Variants in SFMBT2 observed in about 807,000 individuals in gnomAD.
SFMBT2 encodes scm-like with four MBT domains protein 2.
A neutral mutation model predicts 110.1 loss-of-function variants in SFMBT2; 38 were observed. That is an observed-to-expected ratio of 0.35 (90% CI 0.27 to 0.45). The LOEUF is 0.45. Among genes scored for constraint, SFMBT2 ranks in the 20% least tolerant of loss-of-function variants. The pLI is 1.00. For missense variants in SFMBT2, 1,011 were observed against 1,094.9 expected (o/e 0.92, Z 1.08); for synonymous variants, 425 against 425.4 (o/e 1.00, Z 0.01).
In SFMBT2 at chr10:7,160,827, A is replaced by G. The variant is rs1837531537; in HGVS notation, c.*2943T>C. 2 of 152,292 alleles carry G rather than the reference A, an allele frequency of 1.3e-5. No homozygotes were observed. The highest frequency in any genetic ancestry group is 4.8e-5 in the African/African-American group (2 of 41,460). The allele number at this position is 152,292 out of a possible 1,614,324, so 9.4% of individuals were successfully genotyped here. A position where few individuals can be genotyped will look rare whatever the true frequency, so the allele number is the denominator to read the frequency against. On this transcript the variant is annotated 3_prime_UTR_variant, in exon 21 of 21. Transcript: ENST00000397167. ...CAGAACTGCTGCTGATGTGAAGTCC[A>G]TCCACCACGACGGAAATCCCCGGAG... is the stretch of plus-strand genomic sequence containing the variant.
At chr10:7,333,716 C>T (rs1419751094) in intron 4 of SFMBT2, among the ~76,000 whole-genome samples, 6 of 151,672 alleles carry the variant, frequency 4.0e-5, no homozygotes, top group Admixed American at 1.3e-4. Context: ...ACGGCCTCCC[C>T]GCTTTCTCTC....
In SFMBT2 at chr10:7,172,633, G is replaced by A. The variant is rs1245314233; in HGVS notation, c.2013C>T (p.Ile671=). The part of the protein sequence containing the change: ...YTYYYGKRKK[I]SKPPIGESNP... ...TGCTTTCCCCGATGGGGGGCTTGGAGATCTTCTTTCTCTTTCCATAGTAAT... is the reference window on the plus strand; with the variant it reads ...TGCTTTCCCCGATGGGGGGCTTGGAAATCTTCTTTCTCTTTCCATAGTAAT... Residue 671 remains isoleucine (I), a synonymous_variant, in exon 18 of 21, where the codon ATC becomes ATT. Transcript: ENST00000397167. This position sits in a 1 kb window ranked among gnomAD's most constrained non-coding sequence, Gnocchi z 4.6. 19 of 1,614,044 alleles carry A rather than the reference G, an allele frequency of 1.2e-5. No individual in the cohort carries two copies. The highest frequency in any genetic ancestry group is 1.6e-5 in the Non-Finnish European group (19 of 1,180,028).
intron 4 of SFMBT2, chr10:7,348,301 G>C: frequency 3.3e-6 from 5 of 1,529,986 alleles, no homozygotes; most frequent in Non-Finnish European, 3.5e-6. Flanking sequence ...GAAATATGTT[G>C]AACAGAAGCT....
rs573434521 is a variant in SFMBT2, at chr10:7,333,055, TG to T, written c.436+34593del. Reference sequence around the variant, plus strand: ...CTAATTTTTGTACTTTTAGTAGAGATGGGGTTTCTCCATCTTGGCCAGGCTG... The same window carrying T: ...CTAATTTTTGTACTTTTAGTAGAGATGGGTTTCTCCATCTTGGCCAGGCTG... On this transcript the variant is annotated intron_variant, in intron 4 of 20. Transcript: ENST00000397167. 6.3e-3 allele frequency among the ~76,000 whole-genome samples: 962 copies of T among 152,176 alleles called. 8 individuals carry two copies. The highest frequency in any genetic ancestry group is 0.031 in the Middle Eastern group (9 of 292).
chr10:7,229,095 T>C (rs1342659397), intron 9 of SFMBT2, among the ~76,000 whole-genome samples: 10 of 152,180 alleles, frequency 6.6e-5, no homozygotes, highest in East Asian at 3.9e-4. Flanking sequence ...AGTATCTTCA[T>C]TGACAGTGCT....
intron 4 of SFMBT2, among the ~76,000 whole-genome samples, chr10:7,314,323 T>C (rs1430900091): frequency 6.6e-6 from 1 of 152,238 alleles, no homozygotes; most frequent in African/African-American, 2.4e-5. Context: ...TGCTAACTTA[T>C]TTACAAGTTA....
At position 7,370,369 on chromosome 10, in the gene SFMBT2, C is replaced by T; in HGVS notation, c.107G>A (p.Gly36Asp). ...AAAGCCAGTTTCCTCCAAGCTTGAG[C>T]CTTCTTCTGTTGAAAAACAAAAGAA... is the stretch of plus-strand genomic sequence containing the variant. Reference protein sequence around the residue: ...NGNGDLDSEEGSSLEETGFNW... With the variant: ...NGNGDLDSEEDSSLEETGFNW... Residue 36 changes from glycine (G) to aspartate (D), a missense_variant, in exon 3 of 21, where the codon GGC (glycine) becomes GAC (aspartate). This residue lies in a region of SFMBT2 where 979 missense variants were observed against 1,016.1 expected (regional missense o/e 0.96). Transcript: ENST00000397167. 1 of 1,614,010 alleles carries T rather than the reference C, an allele frequency of 6.2e-7. No homozygotes were observed.
At chr10:7,371,474 A>C (rs1449920867) in intron 2 of SFMBT2, among the ~76,000 whole-genome samples, 6 of 152,234 alleles carry the variant, frequency 3.9e-5, no homozygotes. Flanking sequence ...CCAGGCTTGA[A>C]GGAAATCAAG....
At chr10:7,183,262 A>G (rs574353018) in intron 16 of SFMBT2, among the ~76,000 whole-genome samples, 3 of 152,330 alleles carry the variant, frequency 2.0e-5, no homozygotes, top group African/African-American at 7.2e-5. Context: ...AGACCTTGCC[A>G]TCCCAGCACC....
At chr10:7,394,254 A>G (rs1045495074) in intron 1 of SFMBT2, among the ~76,000 whole-genome samples, 8 of 152,076 alleles carry the variant, frequency 5.3e-5, no homozygotes, top group Admixed American at 5.2e-4. Flanking sequence ...ATGATTTTTT[A>G]TATCAGAGTT....
intron 4 of SFMBT2, among the ~76,000 whole-genome samples, chr10:7,350,396 C>A (rs1051182020): frequency 3.9e-5 from 6 of 152,050 alleles, no homozygotes; most frequent in African/African-American, 9.7e-5. Context: ...ATCTGAACTA[C>A]CAGGTGTGAC....
rs1838049693 is a variant in SFMBT2, at chr10:7,176,167, T to C, written c.1809-2A>G. 1 of 1,613,966 alleles carries C rather than the reference T, an allele frequency of 6.2e-7. No individual in the cohort carries two copies. The highest frequency in any genetic ancestry group is 1.3e-5 in the African/African-American group (1 of 74,922). On this transcript the variant is annotated splice_acceptor_variant, in intron 16 of 20. Transcript: ENST00000397167. LOFTEE classifies it high-confidence loss of function. ...GCCCTGTATGTTTTGCCTCTGTATC[T>C]AGAAAATAGGTGGGGAAGAAAAGCG... is the stretch of plus-strand genomic sequence containing the variant.
intron 17 of SFMBT2, among the ~76,000 whole-genome samples, chr10:7,173,502 C>G (rs1837953156): frequency 6.6e-6 from 1 of 152,252 alleles, no homozygotes; most frequent in African/African-American, 2.4e-5. Context: ...TCTATTACAT[C>G]ATTGTATACT....
In SFMBT2 at chr10:7,170,212, G is replaced by GTTGC. The variant is rs1837830134; in HGVS notation, c.2544+712_2544+715dup. ...AGTGCTGAGCTCTCTGGTTGTTGTG[G>GTTGC]TTGCTGTTTGTGTGTGAGCTTCATG... On this transcript the variant is annotated intron_variant, in intron 20 of 20. Coordinates refer to ENST00000397167, the MANE Select transcript of SFMBT2 (RefSeq NM_001387889.1). The surrounding 1 kb of genome is among the most constrained non-coding windows in gnomAD (Gnocchi z 4.6). 1.3e-5 allele frequency among the ~76,000 whole-genome samples: 2 copies of GTTGC among 152,322 alleles called. No homozygotes were observed. The highest frequency in any genetic ancestry group is 4.1e-4 in the South Asian group (2 of 4,826).
At chr10:7,384,226 A>AAC in intron 1 of SFMBT2, among the ~76,000 whole-genome samples, 1 of 149,582 alleles carries the variant, frequency 6.7e-6, no homozygotes, top group African/African-American at 2.4e-5. Flanking sequence ...AAAAAAAAAA[A>AAC]AAAAAAAAAA....
chr10:7,168,365 T>C (rs1469209219), intron 20 of SFMBT2, among the ~76,000 whole-genome samples: 1 of 152,212 alleles, frequency 6.6e-6, no homozygotes, highest in African/African-American at 2.4e-5. Flanking sequence ...AATCTGCTCT[T>C]CATTCAGGCC....
intron 10 of SFMBT2, among the ~76,000 whole-genome samples, chr10:7,221,798 G>T (rs1429855506): frequency 1.3e-5 from 2 of 151,646 alleles, no homozygotes; most frequent in African/African-American, 4.9e-5. Context: ...TCAGTCTTTT[G>T]GGTATACTGT....
chr10:7,308,813 C>G (rs1842765936), intron 4 of SFMBT2, among the ~76,000 whole-genome samples: 1 of 152,154 alleles, frequency 6.6e-6, no homozygotes, highest in African/African-American at 2.4e-5. Flanking sequence ...TGAACTCTCT[C>G]ACACTACAGA....
intron 4 of SFMBT2, among the ~76,000 whole-genome samples, chr10:7,288,095 A>T (rs1022571486): frequency 6.6e-6 from 1 of 152,250 alleles, no homozygotes; most frequent in African/African-American, 2.4e-5. Context: ...CATACCCATG[A>T]CTTCTAGATT....
Sources: allele counts gnomAD v4.1 joint callset (sites outside exome capture counted in the v4.1 genomes callset), GRCh38; gene constraint gnomAD v4.1.1; regional missense constraint gnomAD v4.1.1; non-coding constraint Gnocchi (gnomAD v3.1); transcripts MANE v1.5; gene names NCBI Gene and HGNC (gene_info 2026-07-23, HGNC 2026-07-21).